Variants in MGAT5B observed in about 807,000 individuals in gnomAD.
MGAT5B encodes N-acetylglucosaminyl-transferase Vb.
MGAT5B carries 54 observed loss-of-function variants against 95.1 expected under a neutral mutation model. That is an observed-to-expected ratio of 0.57 (90% CI 0.46 to 0.71). MGAT5B has a LOEUF of 0.71. Ranked by LOEUF, MGAT5B falls within the 30% of genes least tolerant of loss-of-function variation. The probability of loss-of-function intolerance (pLI) is 0.00; values close to 1 mark genes in which losing one functional copy is unlikely to be tolerated. For missense variants in MGAT5B, 935 were observed against 1,088.6 expected (o/e 0.86, Z 1.99); for synonymous variants, 464 against 451.0 (o/e 1.03, Z -0.36).
chr17:76,916,079 G>C lies in MGAT5B; in HGVS notation c.1026-8887G>C, dbSNP rs62077162. ...AATGTCGTGGGCCTCTGCTGCTGGGGCCTGGGGCTGCCCTGGCCCCTGCCC... is the reference window on the plus strand; with the variant it reads ...AATGTCGTGGGCCTCTGCTGCTGGGCCCTGGGGCTGCCCTGGCCCCTGCCC... On this transcript the variant is annotated intron_variant, in intron 8 of 17. Coordinates refer to ENST00000569840, the MANE Select transcript of MGAT5B (RefSeq NM_001199172.2). This position sits in a 1 kb window ranked among gnomAD's most constrained non-coding sequence, Gnocchi z 5.3. 0.014 allele frequency among the ~76,000 whole-genome samples: 2,141 copies of C among 150,316 alleles called. 22 individuals carry two copies. Among genetic ancestry groups the C allele is most frequent in the Non-Finnish European group, 0.022 (1,495 of 67,988 alleles).
intron 9 of MGAT5B, 127 bp from the exon 10 acceptor site, chr17:76,926,470 G>GCTAA: frequency 1.1e-6 from 1 of 899,370 alleles, no homozygotes; most frequent in Non-Finnish European, 1.7e-6. Context: ...TAGTCCAAGT[G>GCTAA]CTAACACACA....
intron 12 of MGAT5B, among the ~76,000 whole-genome samples, chr17:76,935,900 AT>A (rs1303093295): frequency 1.4e-5 from 2 of 138,338 alleles, no homozygotes; most frequent in Non-Finnish European, 1.5e-5. Flanking sequence ...ATAATTATAT[AT>A]ACATTATATA....
At chr17:76,913,948 C>G (rs1283971159) in intron 8 of MGAT5B, 1 of 350,954 alleles carries the variant, frequency 2.8e-6, no homozygotes, top group African/African-American at 2.2e-5. Context: ...TGGTCTTTAC[C>G]AAAAACAAAA....
At chr17:76,942,061 G>A (rs974840954) in intron 15 of MGAT5B, among the ~76,000 whole-genome samples, 10 of 152,184 alleles carry the variant, frequency 6.6e-5, no homozygotes, top group African/African-American at 1.9e-4. Flanking sequence ...AGGGTGGGGC[G>A]CTGATGGCCC....
rs999824382 is a variant in MGAT5B at position 76,918,248 on chromosome 17, C to T, written c.1026-6718C>T. Among the ~76,000 whole-genome samples, 8 of 152,110 alleles carry T rather than the reference C, an allele frequency of 5.3e-5. No homozygotes were observed. The highest frequency in any genetic ancestry group is 1.2e-4 in the Non-Finnish European group (8 of 68,020). ...CCGCACCCATGCTTTGTGGTAGCTTCGGCTAAAGAGCACCCAGACTGTGCC... is the reference window on the plus strand; with the variant it reads ...CCGCACCCATGCTTTGTGGTAGCTTTGGCTAAAGAGCACCCAGACTGTGCC... On this transcript the variant is annotated intron_variant, in intron 8 of 17. Coordinates refer to ENST00000569840, the MANE Select transcript of MGAT5B (RefSeq NM_001199172.2). The surrounding 1 kb of genome is among the most constrained non-coding windows in gnomAD (Gnocchi z 5.1).
At chr17:76,886,671 A>G (rs1967640449) in intron 3 of MGAT5B, among the ~76,000 whole-genome samples, 2 of 152,172 alleles carry the variant, frequency 1.3e-5, no homozygotes, top group African/African-American at 2.4e-5. Context: ...AGGAGGGGCC[A>G]CCTGGGAGCA....
rs201676502 is a variant in MGAT5B, at chr17:76,925,038, C to T, written c.1098C>T (p.Thr366=). ...TMPLPFDLIY[T]DYHGLQQMKR... is the part of the protein sequence containing the mutation. ...CCCTGCCCTTCGACCTCATCTACACCGACTACCACGGCCTGCAGCAGATGA... is the reference window on the plus strand; with the variant it reads ...CCCTGCCCTTCGACCTCATCTACACTGACTACCACGGCCTGCAGCAGATGA... Residue 366 remains threonine, a synonymous_variant, in exon 9 of 18, where the codon ACC becomes ACT. Coordinates refer to ENST00000569840, the MANE Select transcript of MGAT5B (RefSeq NM_001199172.2). 149 of 1,611,492 alleles carry T rather than the reference C, an allele frequency of 9.2e-5. No homozygotes were observed. In the East Asian group the frequency reaches 2.1e-3, roughly 23 times the overall value.
intron 2 of MGAT5B, among the ~76,000 whole-genome samples, chr17:76,879,651 T>C (rs1004503468): frequency 1.3e-5 from 2 of 152,206 alleles, no homozygotes; most frequent in Admixed American, 6.5e-5. Context: ...GGTCATCTGA[T>C]GTCCTCCAGT....
At chr17:76,904,477 A>G in intron 6 of MGAT5B, 55 bp downstream of exon 6, 2 of 1,515,162 alleles carry the variant, frequency 1.3e-6, no homozygotes, top group Non-Finnish European at 1.8e-6. Flanking sequence ...GGACATTCTT[A>G]AGGACAGTGG....
intron 3 of MGAT5B, among the ~76,000 whole-genome samples, chr17:76,890,405 C>G (rs1191806593): frequency 6.6e-6 from 1 of 152,192 alleles, no homozygotes; most frequent in Admixed American, 6.5e-5. Flanking sequence ...CTAGGTACAT[C>G]TAAGTATAGG....
At position 76,886,895 on chromosome 17, in the gene MGAT5B, T is replaced by G. The variant is rs139224219; in HGVS notation, c.329+4597T>G. ...CCCGTCTCTACTAAAAGTACAAAAATTAGCCAGGCGTGGTGGCACATGCCT... is the reference window on the plus strand; with the variant it reads ...CCCGTCTCTACTAAAAGTACAAAAAGTAGCCAGGCGTGGTGGCACATGCCT... On this transcript the variant is annotated intron_variant, in intron 3 of 17. Coordinates refer to ENST00000569840, the MANE Select transcript of MGAT5B (RefSeq NM_001199172.2). 7.0e-4 allele frequency among the ~76,000 whole-genome samples: 107 copies of G among 152,140 alleles called. 1 individual carries two copies. Among genetic ancestry groups the G allele is most frequent in the African/African-American group, 2.5e-3 (104 of 41,484 alleles).
At position 76,889,372 on chromosome 17, in the gene MGAT5B, G is replaced by C. The variant is rs1358776312; in HGVS notation, c.329+7074G>C. ...AAGGGGTGGCTCCAGCAGGCAGGGA[G>C]GGAAGAGCTCTCAGGGAACACACCT... On this transcript the variant is annotated intron_variant, in intron 3 of 17. Coordinates refer to ENST00000569840, the MANE Select transcript of MGAT5B (RefSeq NM_001199172.2). The surrounding 1 kb of genome is among the most constrained non-coding windows in gnomAD (Gnocchi z 4.4). 1.3e-5 allele frequency among the ~76,000 whole-genome samples: 2 copies of C among 152,152 alleles called. No homozygotes were observed. Among genetic ancestry groups the C allele is most frequent in the Non-Finnish European group, 2.9e-5 (2 of 68,010 alleles).
intron 9 of MGAT5B, 108 bp from the exon 10 acceptor site, chr17:76,926,489 C>A: frequency 8.8e-7 from 1 of 1,140,122 alleles, no homozygotes; most frequent in Non-Finnish European, 1.2e-6. Context: ...CACTGTGCTA[C>A]TCTGACTCCA....
Position 76,914,703 on chromosome 17 carries a change from G to T in MGAT5B, c.1025+8516G>T, listed in dbSNP as rs1007242193. Among the ~76,000 whole-genome samples the T allele has an allele frequency of 1.1e-4, 16 of 151,618 alleles. 1 individual carries two copies. Among genetic ancestry groups the T allele is most frequent in the African/African-American group, 3.7e-4 (15 of 41,048 alleles). On this transcript the variant is annotated intron_variant, in intron 8 of 17. Coordinates refer to ENST00000569840, the MANE Select transcript of MGAT5B (RefSeq NM_001199172.2). The surrounding 1 kb of genome is among the most constrained non-coding windows in gnomAD (Gnocchi z 5.1). ...CCCCCAGCTGGAGCGCAGTGGCGCAGTCTCGGCTCACTGCATCCTCCACCT... is the reference window on the plus strand; with the variant it reads ...CCCCCAGCTGGAGCGCAGTGGCGCATTCTCGGCTCACTGCATCCTCCACCT...
chr17:76,895,899 T>C (rs1288552893), intron 3 of MGAT5B, among the ~76,000 whole-genome samples: 1 of 152,264 alleles, frequency 6.6e-6, no homozygotes, highest in East Asian at 1.9e-4. Context: ...AGGGGTTTTT[T>C]TGTCCCCCGA....
intron 8 of MGAT5B, among the ~76,000 whole-genome samples, chr17:76,919,978 C>G (rs1969075043): frequency 6.6e-6 from 1 of 152,220 alleles, no homozygotes; most frequent in Non-Finnish European, 1.5e-5. Context: ...GGGGCCAACT[C>G]TAACCAGGTG....
chr17:76,903,565 A>T (rs555220701), intron 5 of MGAT5B, among the ~76,000 whole-genome samples, 189 bp downstream of exon 5: 1 of 152,314 alleles, frequency 6.6e-6, no homozygotes, highest in East Asian at 1.9e-4. Flanking sequence ...GTGCTTTCTC[A>T]CAGCAAATGA....
chr17:76,903,712 A>G (rs964144581), intron 5 of MGAT5B, among the ~76,000 whole-genome samples: 2 of 152,160 alleles, frequency 1.3e-5, no homozygotes, highest in African/African-American at 4.8e-5. Context: ...TTCTGGGGCC[A>G]CCACTGGCTG....
intron 8 of MGAT5B, among the ~76,000 whole-genome samples, chr17:76,921,937 A>G (rs1186266483): frequency 6.6e-6 from 1 of 152,160 alleles, no homozygotes; most frequent in Non-Finnish European, 1.5e-5. Context: ...GAGCTGATGA[A>G]TCAGTAAGTT....
Sources: allele counts gnomAD v4.1 joint callset (sites outside exome capture counted in the v4.1 genomes callset), GRCh38; gene constraint gnomAD v4.1.1; non-coding constraint Gnocchi (gnomAD v3.1); transcripts MANE v1.5; gene names NCBI Gene and HGNC (gene_info 2026-07-23, HGNC 2026-07-21).